The following KIAA1328 variants were observed in gnomAD, a reference collection of about 807,000 sequenced individuals.
The protein encoded by KIAA1328 is protein hinderin.
In KIAA1328, 52 loss-of-function variants were observed where a neutral mutation model predicts 68.1. The observed-to-expected ratio is 0.76, with a 90% CI of 0.61 to 0.96. The LOEUF is 0.96. Among genes scored for constraint, KIAA1328 ranks in the 40% least tolerant of loss-of-function variants. KIAA1328 has a pLI of 0.00. For missense variants in KIAA1328, 641 were observed against 677.6 expected (o/e 0.95, Z 0.60); for synonymous variants, 232 against 239.4 (o/e 0.97, Z 0.28).
intron 7 of KIAA1328, among the ~76,000 whole-genome samples, chr18:37,114,530 A>C (rs1422405849): frequency 6.6e-6 from 1 of 152,234 alleles, no homozygotes; most frequent in East Asian, 1.9e-4. Context: ...GGAAATTTAT[A>C]GCACTAAATG....
intron 6 of KIAA1328, among the ~76,000 whole-genome samples, chr18:37,031,830 A>C (rs1460190623): frequency 1.3e-5 from 2 of 151,520 alleles, no homozygotes; most frequent in African/African-American, 4.9e-5. Flanking sequence ...TCTTTGTTTA[A>C]TTTTTTAGTG....
intron 6 of KIAA1328, among the ~76,000 whole-genome samples, chr18:36,986,404 C>T (rs1470973413): frequency 6.7e-6 from 1 of 149,350 alleles, no homozygotes; most frequent in East Asian, 2.0e-4. Flanking sequence ...TAGGCATTAC[C>T]ATTCAGGACA....
chr18:37,209,955 A>G (rs2060285489), intron 9 of KIAA1328, among the ~76,000 whole-genome samples: 1 of 152,216 alleles, frequency 6.6e-6, no homozygotes, highest in African/African-American at 2.4e-5. Flanking sequence ...ATAGGAGAGC[A>G]AAGGACTGAG....
chr18:37,193,754 T>A, intron 9 of KIAA1328: 1 of 611,530 alleles, frequency 1.6e-6, no homozygotes, highest in Non-Finnish European at 2.9e-6. Flanking sequence ...CTGAATTGTT[T>A]TGAAAATTTT....
chr18:36,970,661 TAGAC>T (rs547899967), intron 6 of KIAA1328, among the ~76,000 whole-genome samples: 2,055 of 151,752 alleles, frequency 0.014, 17 homozygotes, highest in African/African-American at 0.028. Flanking sequence ...ACACCAATAA[TAGAC>T]AGAGAGCCAA....
chr18:36,977,211 A>G (rs145813988), intron 6 of KIAA1328, among the ~76,000 whole-genome samples: 117 of 152,310 alleles, frequency 7.7e-4, no homozygotes, highest in African/African-American at 2.4e-3. Context: ...ACTGTTCTTC[A>G]TTCTTTCACT....
intron 4 of KIAA1328, among the ~76,000 whole-genome samples, chr18:36,872,591 A>G (rs1287779944): frequency 6.6e-6 from 1 of 152,180 alleles, no homozygotes; most frequent in East Asian, 1.9e-4. Flanking sequence ...CAACTCCTAC[A>G]CTAAAAACCA....
At chr18:37,069,537 T>A (rs182375411) in intron 7 of KIAA1328, among the ~76,000 whole-genome samples, 78 of 152,290 alleles carry the variant, frequency 5.1e-4, no homozygotes, top group Non-Finnish European at 8.8e-4. Flanking sequence ...ATAAAATGAG[T>A]TGGGAGATGT....
intron 9 of KIAA1328, among the ~76,000 whole-genome samples, chr18:37,218,170 A>T (rs2060484435): frequency 6.6e-6 from 1 of 152,280 alleles, no homozygotes; most frequent in Admixed American, 6.5e-5. Context: ...TTACAAAAAG[A>T]GCAAGGGTAC....
intron 9 of KIAA1328, among the ~76,000 whole-genome samples, chr18:37,216,979 G>GTTTTTTTTTTTTTTT (rs1480974787): frequency 1.4e-5 from 1 of 71,064 alleles, no homozygotes; most frequent in Non-Finnish European, 2.7e-5. Flanking sequence ...CTTTTTTTTT[G>GTTTTTTTTTTTTTTT]TTTTTTTTTT....
At chr18:37,193,824 C>T in intron 9 of KIAA1328, 1 of 584,628 alleles carries the variant, frequency 1.7e-6, no homozygotes, top group East Asian at 2.8e-5. Flanking sequence ...GGTTTCCTCA[C>T]ATCTCAGTCT....
intron 6 of KIAA1328, among the ~76,000 whole-genome samples, chr18:36,994,940 C>CTATTTATT (rs10573421): frequency 0.014 from 2,044 of 149,514 alleles, 27 homozygotes; most frequent in Non-Finnish European, 0.014. Flanking sequence ...CATTCACCCA[C>CTATTTATT]TATTTATTTA....
At chr18:37,099,221 A>T (rs1300610988) in intron 7 of KIAA1328, among the ~76,000 whole-genome samples, 2 of 152,220 alleles carry the variant, frequency 1.3e-5, no homozygotes, top group East Asian at 3.9e-4. Context: ...TAGTGCTATA[A>T]ATTTCCTTCT....
intron 7 of KIAA1328, among the ~76,000 whole-genome samples, chr18:37,137,572 A>G (rs1381033765): frequency 6.6e-6 from 1 of 152,042 alleles, no homozygotes; most frequent in Non-Finnish European, 1.5e-5. Context: ...ATCTTACTTG[A>G]CTTCTCAATA....
chr18:37,032,878 C>G (rs544134200), intron 6 of KIAA1328, among the ~76,000 whole-genome samples: 1 of 152,098 alleles, frequency 6.6e-6, no homozygotes, highest in East Asian at 1.9e-4. Context: ...TGACCTCAGG[C>G]GATCCACCCA....
intron 9 of KIAA1328, among the ~76,000 whole-genome samples, chr18:37,177,930 G>A (rs891985298): frequency 9.9e-5 from 15 of 152,000 alleles, no homozygotes; most frequent in African/African-American, 1.4e-4. Context: ...AGAGAATCTA[G>A]CACATCCATC....
chr18:36,953,387 T>C (rs931702657), intron 5 of KIAA1328, among the ~76,000 whole-genome samples: 7 of 138,518 alleles, frequency 5.1e-5, no homozygotes, highest in African/African-American at 1.9e-4. Context: ...GATAGATAGA[T>C]AGATAGATAG....
chr18:37,147,241 A>G (rs1326966645), intron 7 of KIAA1328, among the ~76,000 whole-genome samples: 1 of 152,208 alleles, frequency 6.6e-6, no homozygotes, highest in Non-Finnish European at 1.5e-5. Context: ...CACAAAACAG[A>G]CAAAGACAGT....
chr18:37,074,995 C>T (rs918294480), intron 7 of KIAA1328: 1 of 151,868 alleles, frequency 6.6e-6, no homozygotes, highest in Non-Finnish European at 1.5e-5. Flanking sequence ...CACAAAGATA[C>T]TCCTCGAGAA....
Sources: allele counts gnomAD v4.1 joint callset (sites outside exome capture counted in the v4.1 genomes callset), GRCh38; gene constraint gnomAD v4.1.1; transcripts MANE v1.5; gene names NCBI Gene and HGNC (gene_info 2026-07-23, HGNC 2026-07-21).